LINGO2: variants seen among roughly 807,000 people sequenced by gnomAD.
LINGO2 encodes leucine-rich repeat and immunoglobulin-like domain-containing nogo receptor-interacting protein 2.
LINGO2 carries 14 observed loss-of-function variants against 30.6 expected under a neutral mutation model. The observed-to-expected ratio is 0.46, with a 90% confidence interval of 0.30 to 0.72. The LOEUF (loss-of-function observed/expected upper bound fraction) is 0.72. Ranked by LOEUF, LINGO2 falls within the 30% of genes least tolerant of loss-of-function variation. The probability of loss-of-function intolerance (pLI) is 0.07; values close to 1 mark genes in which losing one functional copy is unlikely to be tolerated. For synonymous variants in LINGO2, 317 were observed against 288.5 expected, an observed-to-expected ratio of 1.10 and a Z score of -1.00; for missense variants, 729 against 751.7, an observed-to-expected ratio of 0.97 and a Z score of 0.35.
chr9:29,047,929 C>A, the LINGO2 span, among the ~76,000 whole-genome samples: 1 of 151,682 alleles, frequency 6.6e-6, no homozygotes, highest in African/African-American at 2.4e-5. Context: ...CATGGTGAAA[C>A]CCTGTCTCCC....
chr9:28,315,354 A>G (rs1027395429), intron 3 of LINGO2, among the ~76,000 whole-genome samples: 3 of 151,336 alleles, frequency 2.0e-5, no homozygotes, highest in Non-Finnish European at 4.4e-5. Context: ...ATGAGCCAAG[A>G]TTGTGCCACT....
At chr9:28,368,244 T>C (rs1417648811) in intron 3 of LINGO2, among the ~76,000 whole-genome samples, 1 of 152,180 alleles carries the variant, frequency 6.6e-6, no homozygotes, top group Non-Finnish European at 1.5e-5. Context: ...TATAGGAGTT[T>C]CCTTCTGTTT....
the LINGO2 span, among the ~76,000 whole-genome samples, chr9:28,842,210 A>G: frequency 1.3e-5 from 2 of 151,838 alleles, no homozygotes; most frequent in African/African-American, 2.4e-5. Flanking sequence ...GATTGATAAC[A>G]ACACCTGTGA....
chr9:28,070,079 G>C (rs527488171), intron 4 of LINGO2, among the ~76,000 whole-genome samples: 1 of 152,210 alleles, frequency 6.6e-6, no homozygotes, highest in East Asian at 1.9e-4. Flanking sequence ...GCTCTGACCA[G>C]GTTTCGCCAG....
the LINGO2 span, among the ~76,000 whole-genome samples, chr9:29,065,796 TGAAA>T: frequency 2.6e-5 from 4 of 151,780 alleles, no homozygotes; most frequent in Non-Finnish European, 5.9e-5. Flanking sequence ...GAAATTCCCT[TGAAA>T]GAAAAGACAG....
At chr9:28,767,955 A>G in the LINGO2 span, among the ~76,000 whole-genome samples, 1 of 152,118 alleles carries the variant, frequency 6.6e-6, no homozygotes, top group Non-Finnish European at 1.5e-5. Flanking sequence ...TAGGAGGCAT[A>G]AAATATTTAG....
At chr9:28,973,564 C>G in the LINGO2 span, among the ~76,000 whole-genome samples, 1 of 152,200 alleles carries the variant, frequency 6.6e-6, no homozygotes, top group Non-Finnish European at 1.5e-5. Context: ...CATAAACTCT[C>G]TCTTGCTGCT....
chr9:28,296,806 G>C lies in LINGO2; in HGVS notation c.-245-1440C>G, dbSNP rs750375385. On this transcript the variant is annotated intron_variant, in intron 3 of 5. Transcript: ENST00000379992. ...ATCCACACCCCCTCAACACACACAC[G>C]TCTAAAATTTTTGTATTTATTGATC... 3.3e-5 allele frequency among the ~76,000 whole-genome samples: 5 copies of C among 152,078 alleles called. No individual in the cohort carries two copies. In the East Asian group the frequency reaches 7.7e-4, roughly 23 times the overall value.
At chr9:29,191,183 A>C in the LINGO2 span, among the ~76,000 whole-genome samples, 1 of 152,206 alleles carries the variant, frequency 6.6e-6, no homozygotes, top group Admixed American at 6.5e-5. Flanking sequence ...AATTTAAGCA[A>C]GACCCTCAAT....
chr9:29,107,711 C>G, the LINGO2 span, among the ~76,000 whole-genome samples: 35,873 of 151,830 alleles, frequency 0.24, 4,372 homozygotes, highest in East Asian at 0.4. Context: ...TTATTTTGTT[C>G]CTTTGGCAAT....
At position 28,148,572 on chromosome 9, in the gene LINGO2, A is replaced by G; in HGVS notation, c.-86-136167T>C. The G allele has an allele frequency of 6.6e-7, 1 of 1,506,764 alleles. No individual in the cohort carries two copies. Among genetic ancestry groups the G allele is most frequent in the Non-Finnish European group, 8.9e-7 (1 of 1,121,568 alleles). 93.3% of individuals were successfully genotyped at this position (1,506,764 alleles called of 1,614,324 possible). A position where few individuals can be genotyped will look rare whatever the true frequency, so the allele number is the denominator to read the frequency against. On this transcript the variant is annotated intron_variant, in intron 4 of 5. Transcript: ENST00000379992. This position sits in a 1 kb window ranked among gnomAD's most constrained non-coding sequence, Gnocchi z 5.1. ...TCTAGGCCCCTGGAGACTCAGGGAAACTTCACTTCCTCCTGGTACAATCCC... is the reference window on the plus strand; with the variant it reads ...TCTAGGCCCCTGGAGACTCAGGGAAGCTTCACTTCCTCCTGGTACAATCCC...
chr9:28,905,213 G>A, the LINGO2 span, among the ~76,000 whole-genome samples: 1 of 150,208 alleles, frequency 6.7e-6, no homozygotes. Flanking sequence ...CATTGGTCTA[G>A]GAAATAATAT....
chr9:28,724,911 T>C, the LINGO2 span, among the ~76,000 whole-genome samples: 1 of 152,128 alleles, frequency 6.6e-6, no homozygotes, highest in Non-Finnish European at 1.5e-5. Context: ...AAAGGTTTTG[T>C]AGATAAATAG....
At chr9:28,086,215 C>A (rs1337672302) in intron 4 of LINGO2, among the ~76,000 whole-genome samples, 1 of 151,970 alleles carries the variant, frequency 6.6e-6, no homozygotes, top group African/African-American at 2.4e-5. Context: ...ATAAAAAAAT[C>A]CACACGTCTC....
At chr9:28,845,802 T>C in the LINGO2 span, among the ~76,000 whole-genome samples, 46 of 151,808 alleles carry the variant, frequency 3.0e-4, no homozygotes, top group South Asian at 8.1e-3. Context: ...ATAAAATGTT[T>C]TAGATAAGGA....
At chr9:29,189,354 AG>A in the LINGO2 span, among the ~76,000 whole-genome samples, 1 of 147,566 alleles carries the variant, frequency 6.8e-6, no homozygotes, top group Non-Finnish European at 1.5e-5. Context: ...TGCCGGATGG[AG>A]GGGCTCCTCA....
intron 3 of LINGO2, among the ~76,000 whole-genome samples, chr9:28,354,515 A>C (rs1820079087): frequency 6.6e-6 from 1 of 152,198 alleles, no homozygotes; most frequent in Non-Finnish European, 1.5e-5. Flanking sequence ...TCAATTCTCA[A>C]ATGTAGAAAT....
At chr9:28,796,233 G>C in the LINGO2 span, among the ~76,000 whole-genome samples, 1 of 152,068 alleles carries the variant, frequency 6.6e-6, no homozygotes, top group African/African-American at 2.4e-5. Flanking sequence ...ATATTCATTA[G>C]GAACTAGCTA....
the LINGO2 span, among the ~76,000 whole-genome samples, chr9:28,852,813 T>C: frequency 6.6e-6 from 1 of 152,014 alleles, no homozygotes; most frequent in Non-Finnish European, 1.5e-5. Context: ...TTGCCTAACT[T>C]TTCCTATAAA....
Sources: allele counts gnomAD v4.1 joint callset (sites outside exome capture counted in the v4.1 genomes callset), GRCh38; gene constraint gnomAD v4.1.1; non-coding constraint Gnocchi (gnomAD v3.1); transcripts MANE v1.5; gene names NCBI Gene and HGNC (gene_info 2026-07-23, HGNC 2026-07-21).